The following DEUP1 variants were observed in gnomAD, a reference collection of about 807,000 sequenced individuals.
DEUP1 encodes coiled-coil domain containing 67.
A neutral mutation model predicts 87.4 loss-of-function variants in DEUP1; 82 were observed. The ratio of observed to expected loss-of-function variants is 0.94; its 90% confidence interval spans 0.78 to 1.13. DEUP1 has a LOEUF of 1.13. Among genes scored for constraint, DEUP1 ranks in the 50% most tolerant of loss-of-function variants. The pLI, the probability that DEUP1 is intolerant of heterozygous loss-of-function variation, is 0.00. For missense variants in DEUP1, 663 were observed against 681.5 expected, an observed-to-expected ratio of 0.97 and a Z score of 0.30; for synonymous variants, 214 against 222.7, an observed-to-expected ratio of 0.96 and a Z score of 0.35.
chr11:93,338,139 G>T (rs1943866325), intron 2 of DEUP1, among the ~76,000 whole-genome samples: 1 of 152,106 alleles, frequency 6.6e-6, no homozygotes. Flanking sequence ...CAGTCTCATT[G>T]GACAGCAGTT....
intron 1 of DEUP1, among the ~76,000 whole-genome samples, chr11:93,331,109 G>A (rs1459571715): frequency 6.6e-6 from 1 of 152,170 alleles, no homozygotes; most frequent in African/African-American, 2.4e-5. Flanking sequence ...ACCATTTATT[G>A]GTCTGCTCCT....
At chr11:93,347,427 G>C (rs930812214) in intron 2 of DEUP1, among the ~76,000 whole-genome samples, 1 of 152,138 alleles carries the variant, frequency 6.6e-6, no homozygotes, top group Admixed American at 6.5e-5. Context: ...CCAGTATTTT[G>C]TTGAGGATTT....
At chr11:93,356,878 T>G (rs749897877) in intron 3 of DEUP1, 70 bp from the exon 4 acceptor site, 154 of 929,058 alleles carry the variant, frequency 1.7e-4, no homozygotes, top group Non-Finnish European at 2.4e-4. Flanking sequence ...TGTTCTTCTC[T>G]TTTGCACATT....
At chr11:93,330,467 CG>C, upstream of DEUP1, 1 of 152,950 alleles carries the variant, frequency 6.5e-6, no homozygotes, top group Non-Finnish European at 1.5e-5. Flanking sequence ...CGCGCTCGCG[CG>C]GGGTGAGGTT....
chr11:93,391,210 G>C (rs1946756343), intron 9 of DEUP1, among the ~76,000 whole-genome samples: 1 of 151,648 alleles, frequency 6.6e-6, no homozygotes, highest in South Asian at 2.1e-4. Flanking sequence ...TTCCAGTCTA[G>C]AACTGTTTTA....
chr11:93,378,146 C>A lies in DEUP1; in HGVS notation c.789+6866C>A, dbSNP rs181693214. 1.3e-3 allele frequency among the ~76,000 whole-genome samples: 197 copies of A among 152,250 alleles called. 2 individuals carry two copies. Among genetic ancestry groups the A allele is most frequent in the Middle Eastern group, 3.4e-3 (1 of 294 alleles). ...CTTTGAGCTTCTTGTATTTGGATGT[C>A]TAGATCTCTAGCAAGGCCAGGGAAG... On this transcript the variant is annotated intron_variant, in intron 7 of 13. Transcript: ENST00000298050.
At chr11:93,402,457 A>G (rs867392362) in intron 11 of DEUP1, among the ~76,000 whole-genome samples, 1 of 152,060 alleles carries the variant, frequency 6.6e-6, no homozygotes, top group African/African-American at 2.4e-5. Context: ...AAGTTTCCTC[A>G]AAAAACTAAA....
intron 2 of DEUP1, among the ~76,000 whole-genome samples, chr11:93,337,640 T>C (rs1265250355): frequency 6.6e-6 from 1 of 152,194 alleles, no homozygotes; most frequent in African/African-American, 2.4e-5. Context: ...GTTAAAATCC[T>C]GACATGTCAA....
intron 9 of DEUP1, among the ~76,000 whole-genome samples, chr11:93,393,991 AAAC>A (rs1946856225): frequency 6.6e-6 from 1 of 152,214 alleles, no homozygotes; most frequent in Non-Finnish European, 1.5e-5. Context: ...TGATTCTGAG[AAAC>A]AAATGTTTAG....
At chr11:93,354,863 G>T (rs1006883457) in intron 2 of DEUP1, among the ~76,000 whole-genome samples, 6 of 152,058 alleles carry the variant, frequency 3.9e-5, no homozygotes, top group African/African-American at 1.4e-4. Context: ...CTATATCACT[G>T]CCTGATCCAA....
chr11:93,378,225 T>G (rs977136648), intron 7 of DEUP1, among the ~76,000 whole-genome samples: 3 of 152,224 alleles, frequency 2.0e-5, no homozygotes, highest in Non-Finnish European at 2.9e-5. Context: ...ATTTCTCTTC[T>G]TCCTCAGGAA....
chr11:93,370,445 A>T (rs899330909), intron 6 of DEUP1, among the ~76,000 whole-genome samples: 2 of 152,238 alleles, frequency 1.3e-5, no homozygotes, highest in African/African-American at 4.8e-5. Flanking sequence ...GCCTACAGGC[A>T]AGGCACTCAA....
chr11:93,417,752 G>A (rs1439468780), intron 13 of DEUP1, among the ~76,000 whole-genome samples: 1 of 150,988 alleles, frequency 6.6e-6, no homozygotes, highest in African/African-American at 2.5e-5. Flanking sequence ...AACAAAGCTG[G>A]AGGCATCATG....
chr11:93,344,648 A>G (rs1944249200), intron 2 of DEUP1, among the ~76,000 whole-genome samples: 1 of 152,170 alleles, frequency 6.6e-6, no homozygotes, highest in African/African-American at 2.4e-5. Context: ...TGTAGCATTT[A>G]ATTACTTATT....
chr11:93,433,514 T>C lies in DEUP1; in HGVS notation c.1639-4029T>C, dbSNP rs576010115. Among the ~76,000 whole-genome samples, 9 of 152,282 alleles carry C rather than the reference T, an allele frequency of 5.9e-5. No individual in the cohort carries two copies. In the South Asian group the frequency reaches 1.2e-3, roughly 21 times the overall value. ...CAGCCTGGGCAATAGAGCAAGACAC[T>C]GTCTCTAAATCAATCAATCAATCAA... On this transcript the variant is annotated intron_variant, in intron 13 of 13. Transcript: ENST00000298050.
intron 2 of DEUP1, among the ~76,000 whole-genome samples, chr11:93,343,527 G>C (rs115492990): frequency 4.6e-5 from 7 of 152,152 alleles, no homozygotes; most frequent in Admixed American, 1.3e-4. Context: ...TATAAAGATC[G>C]CCCTGAAGAA....
intron 7 of DEUP1, among the ~76,000 whole-genome samples, chr11:93,376,877 C>A (rs1946066118): frequency 6.6e-6 from 1 of 152,150 alleles, no homozygotes; most frequent in African/African-American, 2.4e-5. Context: ...ATTGTTGACC[C>A]AATGATCATT....
chr11:93,331,426 CA>C (rs1943477246), intron 1 of DEUP1, among the ~76,000 whole-genome samples: 1 of 151,548 alleles, frequency 6.6e-6, no homozygotes, highest in Non-Finnish European at 1.5e-5. Flanking sequence ...AGAGGTGAGC[CA>C]GTGCCCATAG....
At chr11:93,417,844 T>C (rs923692316) in intron 13 of DEUP1, among the ~76,000 whole-genome samples, 3 of 152,134 alleles carry the variant, frequency 2.0e-5, no homozygotes, top group Admixed American at 1.3e-4. Context: ...TATAGATCAA[T>C]GGAACATAAC....
Sources: gnomAD v4.1 joint callset for allele counts (sites outside exome capture counted in the v4.1 genomes callset) on GRCh38, gnomAD v4.1.1 for gene constraint, MANE v1.5 for transcripts, NCBI Gene and HGNC (gene_info 2026-07-23, HGNC 2026-07-21) for gene names.